Variants in CCR6 observed in about 807,000 individuals in gnomAD.
CCR6 encodes the protein C-C motif chemokine receptor 6.
Under a neutral mutation model 3.0 loss-of-function variants are expected in CCR6, and 2 were observed. The ratio of observed to expected loss-of-function variants is 0.66; its 90% confidence interval spans 0.27 to 2.07. CCR6 has a LOEUF of 2.07. CCR6 is among the 30% of genes most tolerant of loss of function. CCR6 has a pLI of 0.14. For synonymous variants in CCR6, 193 were observed against 184.3 expected, an observed-to-expected ratio of 1.05 and a Z score of -0.38; for missense variants, 322 against 462.8, an observed-to-expected ratio of 0.70 and a Z score of 2.79.
At chr6:167,124,088 A>G (rs1781630231) in intron 1 of CCR6, among the ~76,000 whole-genome samples, 1 of 152,184 alleles carries the variant, frequency 6.6e-6, no homozygotes, top group African/African-American at 2.4e-5. Flanking sequence ...CTCCAGCCGG[A>G]GATCAGCTCC....
At chr6:167,118,358 G>A (rs573585719), upstream of CCR6, among the ~76,000 whole-genome samples, 6 of 152,232 alleles carry the variant, frequency 3.9e-5, no homozygotes, top group East Asian at 3.9e-4. Flanking sequence ...AGTGACTTTC[G>A]ATTCTTGACA....
rs1183741225 is a variant in CCR6, at chr6:167,133,932, G to GTGTGTGTATATATATATA, written c.-97-2105_-97-2104insGTGTGTATATATATATAT. 2.3e-3 allele frequency among the ~76,000 whole-genome samples: 249 copies of GTGTGTGTATATATATATA among 110,366 alleles called. 3 individuals carry two copies. Among genetic ancestry groups the GTGTGTGTATATATATATA allele is most frequent in the Middle Eastern group, 5.2e-3 (1 of 194 alleles). The allele number at this position is 110,366 out of a possible 152,430, so 72.4% of individuals were successfully genotyped here. On this transcript the variant is annotated intron_variant, in intron 1 of 2. Transcript: ENST00000341935. ...ATACTATTATATATGATATATGTGTGTATATATATATATATATATATATAT... is the reference window on the plus strand; with the variant it reads ...ATACTATTATATATGATATATGTGTGTGTGTGTATATATATATATATATATATATATATATATATATAT...
chr6:167,122,968 A>T (rs1230349349), upstream of CCR6: 1 of 152,428 alleles, frequency 6.6e-6, no homozygotes, highest in Admixed American at 6.5e-5. The surrounding 1 kb of genome is among the most constrained non-coding windows in gnomAD (Gnocchi z 4.2). Flanking sequence ...GATTCCAGGG[A>T]TCCTACGATT....
intron 1 of CCR6, among the ~76,000 whole-genome samples, chr6:167,131,906 A>T (rs1314494735): frequency 2.0e-5 from 3 of 152,166 alleles, no homozygotes; most frequent in Admixed American, 1.3e-4. Flanking sequence ...TGACAAGGGC[A>T]CCCAGCCATG....
At chr6:167,134,469 A>G (rs1277150087) in intron 1 of CCR6, among the ~76,000 whole-genome samples, 14 of 152,224 alleles carry the variant, frequency 9.2e-5, no homozygotes, top group Non-Finnish European at 1.5e-5. Context: ...CCGATCTCTA[A>G]GTTGTGACTC....
At chr6:167,134,680 G>A (rs41373049) in intron 1 of CCR6, among the ~76,000 whole-genome samples, 253 of 152,302 alleles carry the variant, frequency 1.7e-3, no homozygotes, top group African/African-American at 5.9e-3. Context: ...CACTTTCTCT[G>A]CCTGTGCACC....
At chr6:167,114,450 A>T (rs1182314704) in intron 1 of CCR6, among the ~76,000 whole-genome samples, 1 of 152,082 alleles carries the variant, frequency 6.6e-6, no homozygotes, top group East Asian at 1.9e-4. Flanking sequence ...CTACATTTGA[A>T]CCCCAAGGAG....
chr6:167,117,450 T>C (rs1172895017), intron 1 of CCR6, among the ~76,000 whole-genome samples: 1 of 141,364 alleles, frequency 7.1e-6, no homozygotes, highest in African/African-American at 2.7e-5. Context: ...GGAGTTTCGC[T>C]CTGTCGCCCA....
At chr6:167,123,690 G>A (rs1314519371) in intron 1 of CCR6, among the ~76,000 whole-genome samples, 1 of 152,234 alleles carries the variant, frequency 6.6e-6, no homozygotes, top group Non-Finnish European at 1.5e-5. Context: ...TTGTGAGGGG[G>A]AGTTAAGAGA....
chr6:167,133,948 A>G (rs1424014360), intron 1 of CCR6, among the ~76,000 whole-genome samples: 25 of 44,368 alleles, frequency 5.6e-4, no homozygotes, highest in Middle Eastern at 0.016. Flanking sequence ...ATATATATAT[A>G]TATATATATA....
Position 167,137,117 on chromosome 6 carries a change from A to C in CCR6, c.887A>C (p.Tyr296Ser). ...TGCCAGAGCGAAAAGCTAATTGGCT[A>C]TACGAAAACTGTCACAGAAGTCCTG... is the stretch of plus-strand genomic sequence containing the variant. Reference protein sequence around the residue: ...RSCQSEKLIGYTKTVTEVLAF... With the variant: ...RSCQSEKLIGSTKTVTEVLAF... Residue 296 changes from tyrosine (Y) to serine (S), a missense_variant, in exon 3 of 3, where the codon TAT (tyrosine) becomes TCT (serine). Coordinates refer to ENST00000341935, the MANE Select transcript of CCR6 (RefSeq NM_031409.4). This position sits in a 1 kb window ranked among gnomAD's most constrained non-coding sequence, Gnocchi z 4.6. 6.2e-7 allele frequency: 1 copy of C among 1,614,190 alleles called. No homozygotes were observed. Among genetic ancestry groups the C allele is most frequent in the South Asian group, 1.1e-5 (1 of 91,086 alleles).
chr6:167,131,993 C>T (rs1781776125), intron 1 of CCR6, among the ~76,000 whole-genome samples: 1 of 152,160 alleles, frequency 6.6e-6, no homozygotes, highest in African/African-American at 2.4e-5. Flanking sequence ...CCAGCCAATC[C>T]CTTCTTCCCG....
At chr6:167,121,132 T>G (rs1448049792), upstream of CCR6, 1 of 152,248 alleles carries the variant, frequency 6.6e-6, no homozygotes, top group African/African-American at 2.4e-5. Flanking sequence ...AGGCCACTCT[T>G]GGAGACCTCC....
At chr6:167,134,799 C>T (rs937272773) in intron 1 of CCR6, 1 of 152,236 alleles carries the variant, frequency 6.6e-6, no homozygotes, top group African/African-American at 2.4e-5. Flanking sequence ...GCACATCCAA[C>T]GTCAATATCA....
upstream of CCR6, chr6:167,121,487 T>G (rs1022461061): frequency 1.3e-5 from 2 of 152,380 alleles, no homozygotes; most frequent in African/African-American, 4.8e-5. Context: ...GTGTGTTACC[T>G]GGTGGCCTGT....
At chr6:167,120,447 CATGGCCTCCAGTGTGTGTGCT>C (rs1236635414), upstream of CCR6, among the ~76,000 whole-genome samples, 1 of 152,100 alleles carries the variant, frequency 6.6e-6, no homozygotes, top group East Asian at 1.9e-4. Context: ...AGTGGTGTGC[CATGGCCTCCAGTGTGTGTGCT>C]ATGGCCTCCA....
rs1188778668 is a variant in CCR6 at position 167,133,964 on chromosome 6, A to ATATATATATG, written c.-97-2068_-97-2067insTATGTATATA. On this transcript the variant is annotated intron_variant, in intron 1 of 2. Transcript: ENST00000341935. Reference sequence around the variant, plus strand: ...TATATATATATATATATATATATATATATATAGTTTTAACATCCAAATGGT... The same window carrying ATATATATATG: ...TATATATATATATATATATATATATATATATATATGTATATAGTTTTAACATCCAAATGGT... Among the ~76,000 whole-genome samples the ATATATATATG allele has an allele frequency of 5.7e-4, 64 of 111,806 alleles. 1 individual carries two copies. Among genetic ancestry groups the ATATATATATG allele is most frequent in the East Asian group, 2.9e-3 (11 of 3,796 alleles). 73.3% of individuals were successfully genotyped at this position (111,806 alleles called of 152,430 possible).
At chr6:167,128,830 T>TC (rs1300708769) in intron 1 of CCR6, among the ~76,000 whole-genome samples, 1 of 152,226 alleles carries the variant, frequency 6.6e-6, no homozygotes, top group Non-Finnish European at 1.5e-5. Flanking sequence ...TGCCTTGGCC[T>TC]CCCAAAGTGC....
In CCR6 at chr6:167,137,398, T is replaced by A. The variant is rs750367865; in HGVS notation, c.*43T>A. The A allele has an allele frequency of 6.5e-7, 1 of 1,537,998 alleles. No individual in the cohort carries two copies. Among genetic ancestry groups the A allele is most frequent in the Non-Finnish European group, 8.7e-7 (1 of 1,145,314 alleles). Reference sequence around the variant, plus strand: ...CTAAGGCATGTGTGAAACATACTCATAGATGTTATGCAAAAAAAAGTCTAT... The same window carrying A: ...CTAAGGCATGTGTGAAACATACTCAAAGATGTTATGCAAAAAAAAGTCTAT... On this transcript the variant is annotated 3_prime_UTR_variant, in exon 3 of 3. Coordinates refer to ENST00000341935, the MANE Select transcript of CCR6 (RefSeq NM_031409.4). This position sits in a 1 kb window ranked among gnomAD's most constrained non-coding sequence, Gnocchi z 4.6.
Sources: allele counts gnomAD v4.1 joint callset (sites outside exome capture counted in the v4.1 genomes callset), GRCh38; gene constraint gnomAD v4.1.1; non-coding constraint Gnocchi (gnomAD v3.1); transcripts MANE v1.5; gene names NCBI Gene and HGNC (gene_info 2026-07-23, HGNC 2026-07-21).